ATOSA: variants seen among roughly 807,000 people sequenced by gnomAD.
ATOSA encodes the protein atos homolog protein A.
chr15:52,649,605 G>T, the ATOSA span: 15 of 151,966 alleles, frequency 9.9e-5, no homozygotes, highest in African/African-American at 3.4e-4. Context: ...AAACAAAAAA[G>T]AAATCACTGT....
chr15:52,636,413 A>G, the ATOSA span, among the ~76,000 whole-genome samples: 1 of 152,144 alleles, frequency 6.6e-6, no homozygotes, highest in Non-Finnish European at 1.5e-5. Context: ...AGGGGACTGT[A>G]GTTGGAGACA....
At chr15:52,634,122 TAAAG>T in the ATOSA span, among the ~76,000 whole-genome samples, 1 of 151,794 alleles carries the variant, frequency 6.6e-6, no homozygotes, top group African/African-American at 2.4e-5. Context: ...AAAAAAAATC[TAAAG>T]AGGTCAGAAA....
At chr15:52,688,072 C>G in the ATOSA span, among the ~76,000 whole-genome samples, 5 of 152,196 alleles carry the variant, frequency 3.3e-5, no homozygotes, top group Non-Finnish European at 7.3e-5. Flanking sequence ...TTTTGATTAG[C>G]AGAACCATCA....
At chr15:52,617,897 A>G in the ATOSA span, among the ~76,000 whole-genome samples, 11 of 151,908 alleles carry the variant, frequency 7.2e-5, no homozygotes, top group Non-Finnish European at 1.3e-4. Context: ...ATTGTAACAC[A>G]TAATTGACTG....
the ATOSA span, chr15:52,586,325 A>G: frequency 1.3e-5 from 2 of 152,242 alleles, no homozygotes; most frequent in African/African-American, 4.8e-5. Flanking sequence ...GAAATAAACA[A>G]ATATACAGAT....
At chr15:52,643,717 C>G in the ATOSA span, among the ~76,000 whole-genome samples, 1 of 151,856 alleles carries the variant, frequency 6.6e-6, no homozygotes, top group Non-Finnish European at 1.5e-5. Flanking sequence ...AATTTGAGAC[C>G]AGCTTGACCA....
At chr15:52,681,695 C>T in the ATOSA span, among the ~76,000 whole-genome samples, 1 of 152,104 alleles carries the variant, frequency 6.6e-6, no homozygotes, top group Non-Finnish European at 1.5e-5. Flanking sequence ...ATTTGCTTTC[C>T]ATTTTGCTTT....
chr15:52,681,090 T>C, the ATOSA span, among the ~76,000 whole-genome samples: 1 of 152,376 alleles, frequency 6.6e-6, no homozygotes, highest in African/African-American at 2.4e-5. Flanking sequence ...TATTAGTGTG[T>C]AGCACAAACT....
At chr15:52,702,680 G>C in the ATOSA span, among the ~76,000 whole-genome samples, 1,048 of 147,466 alleles carry the variant, frequency 7.1e-3, 5 homozygotes, top group African/African-American at 0.025. Flanking sequence ...TGGATGACAG[G>C]ATCAACTGTA....
chr15:52,688,231 A>G, the ATOSA span, among the ~76,000 whole-genome samples: 1 of 152,256 alleles, frequency 6.6e-6, no homozygotes, highest in Non-Finnish European at 1.5e-5. Flanking sequence ...AGAAAATGAC[A>G]AAAGGTTATA....
chr15:52,677,824 G>GCTTA, the ATOSA span, among the ~76,000 whole-genome samples: 2 of 152,110 alleles, frequency 1.3e-5, no homozygotes, highest in African/African-American at 4.8e-5. Flanking sequence ...TTGTAAAAAC[G>GCTTA]CTTAACCTTC....
the ATOSA span, chr15:52,656,223 CATT>C: frequency 6.6e-6 from 1 of 151,908 alleles, no homozygotes; most frequent in African/African-American, 2.4e-5. Context: ...TAAAATATAA[CATT>C]ATTAACAGTT....
the ATOSA span, among the ~76,000 whole-genome samples, chr15:52,602,641 C>T: frequency 6.6e-6 from 1 of 152,076 alleles, no homozygotes; most frequent in Non-Finnish European, 1.5e-5. Context: ...ATTCAGAACC[C>T]CTACCATGTG....
At chr15:52,610,508 T>C in the ATOSA span, 1 of 1,011,612 alleles carries the variant, frequency 9.9e-7, no homozygotes, top group Non-Finnish European at 1.4e-6. Flanking sequence ...CCACTGAGGT[T>C]TACTTTTAGC....
chr15:52,671,322 A>G, the ATOSA span, among the ~76,000 whole-genome samples: 1 of 152,238 alleles, frequency 6.6e-6, no homozygotes, highest in Non-Finnish European at 1.5e-5. Flanking sequence ...CATTAATTCA[A>G]ACCAATCCCT....
the ATOSA span, among the ~76,000 whole-genome samples, chr15:52,705,443 A>G: frequency 2.0e-5 from 3 of 152,176 alleles, no homozygotes; most frequent in Non-Finnish European, 4.4e-5. Flanking sequence ...AACATGGCAC[A>G]TGTATACCTA....
chr15:52,610,133 T>C, the ATOSA span: 355 of 1,614,068 alleles, frequency 2.2e-4, 6 homozygotes, highest in South Asian at 3.4e-3. Flanking sequence ...GAACTGTTTG[T>C]ACCACATTGT....
At chr15:52,627,566 T>C in the ATOSA span, among the ~76,000 whole-genome samples, 1 of 152,134 alleles carries the variant, frequency 6.6e-6, no homozygotes, top group African/African-American at 2.4e-5. Flanking sequence ...TGTTGAAGTA[T>C]GACCAACTGA....
chr15:52,654,209 G>A, the ATOSA span, among the ~76,000 whole-genome samples: 2 of 152,004 alleles, frequency 1.3e-5, no homozygotes, highest in African/African-American at 4.8e-5. Context: ...AACATTAAAT[G>A]TATTTAGTCA....
Sources: gnomAD v4.1 joint callset for allele counts (sites outside exome capture counted in the v4.1 genomes callset) on GRCh38, gnomAD v4.1.1 for gene constraint, MANE v1.5 for transcripts, NCBI Gene and HGNC (gene_info 2026-07-23, HGNC 2026-07-21) for gene names.